Variants in CACNA1C observed in about 807,000 individuals in gnomAD.
The protein encoded by CACNA1C is voltage-dependent L-type calcium channel subunit alpha-1C.
CACNA1C carries 30 observed loss-of-function variants against 229.0 expected under a neutral mutation model. The observed-to-expected ratio is 0.13, with a 90% CI of 0.10 to 0.18. CACNA1C has a LOEUF of 0.18. CACNA1C is among the 10% of genes least tolerant of loss of function. The pLI, the probability that CACNA1C is intolerant of heterozygous loss-of-function variation, is 1.00. For synonymous variants in CACNA1C, 1,114 were observed against 1,132.5 expected, an observed-to-expected ratio of 0.98 and a Z score of 0.33; for missense variants, 1,658 against 2,845.0, an observed-to-expected ratio of 0.58 and a Z score of 9.49.
intron 37 of CACNA1C, among the ~76,000 whole-genome samples, chr12:2,667,332 T>TCTCCC (rs1569149779): frequency 6.6e-6 from 1 of 152,146 alleles, no homozygotes; most frequent in African/African-American, 2.4e-5. Context: ...GTGCTCCTTG[T>TCTCCC]TGGGGCAATA....
intron 3 of CACNA1C, among the ~76,000 whole-genome samples, chr12:2,144,421 G>T (rs1021851874): frequency 6.6e-6 from 1 of 151,160 alleles, no homozygotes; most frequent in African/African-American, 2.4e-5. Flanking sequence ...TCATTCTTAG[G>T]GTGGTCTGTT....
intron 1 of CACNA1C, among the ~76,000 whole-genome samples, chr12:2,100,370 G>A (rs1224681944): frequency 6.7e-6 from 1 of 148,450 alleles, no homozygotes; most frequent in Non-Finnish European, 1.5e-5. Flanking sequence ...CTTGAAGGAG[G>A]TTCAAGGAAT....
At chr12:2,356,813 T>A (rs2097377138) in intron 3 of CACNA1C, among the ~76,000 whole-genome samples, 1 of 152,134 alleles carries the variant, frequency 6.6e-6, no homozygotes, top group Non-Finnish European at 1.5e-5. Flanking sequence ...TATGCATTGC[T>A]CCCCTCCCCT....
chr12:2,496,263 C>T (rs1373175643), intron 7 of CACNA1C, among the ~76,000 whole-genome samples: 2 of 152,166 alleles, frequency 1.3e-5, no homozygotes, highest in African/African-American at 4.8e-5. Flanking sequence ...GCTTTGAACC[C>T]TTCTAAGGAG....
chr12:2,500,534 C>G (rs188504475), intron 7 of CACNA1C, among the ~76,000 whole-genome samples: 2 of 152,154 alleles, frequency 1.3e-5, no homozygotes, highest in East Asian at 3.9e-4. Context: ...AACTCCCACT[C>G]GCCATCTGCC....
At chr12:2,295,223 G>A (rs1224880561) in intron 3 of CACNA1C, among the ~76,000 whole-genome samples, 5 of 152,062 alleles carry the variant, frequency 3.3e-5, no homozygotes, top group Admixed American at 6.5e-5. Context: ...TCCACTCCTC[G>A]TTATCCTTCA....
At chr12:2,494,897 T>C (rs1015395893) in intron 7 of CACNA1C, among the ~76,000 whole-genome samples, 3 of 152,188 alleles carry the variant, frequency 2.0e-5, no homozygotes, top group African/African-American at 4.8e-5. Context: ...TTCCTGAGTG[T>C]CCTTGCCTGC....
At chr12:2,045,066 A>G (rs755111426) in intron 1 of CACNA1C, among the ~76,000 whole-genome samples, 26 of 152,214 alleles carry the variant, frequency 1.7e-4, no homozygotes, top group Non-Finnish European at 3.1e-4. Flanking sequence ...TGAAATATGG[A>G]AGGAAAGGTG....
At chr12:2,362,210 G>A (rs193251061) in intron 3 of CACNA1C, among the ~76,000 whole-genome samples, 1 of 152,298 alleles carries the variant, frequency 6.6e-6, no homozygotes, top group East Asian at 1.9e-4. Context: ...CTCTGAGGGG[G>A]CGTGAAGGCC....
intron 1 of CACNA1C, among the ~76,000 whole-genome samples, chr12:2,076,624 G>C (rs1043465993): frequency 2.0e-5 from 3 of 152,042 alleles, no homozygotes; most frequent in Admixed American, 2.0e-4. Flanking sequence ...AGGCAACAGA[G>C]ATGGTATCTC....
chr12:2,480,514 G>A (rs2099671518), intron 5 of CACNA1C, among the ~76,000 whole-genome samples: 1 of 152,208 alleles, frequency 6.6e-6, no homozygotes, highest in Non-Finnish European at 1.5e-5. Flanking sequence ...AGGGCTTGTA[G>A]TCACCACCGT....
chr12:2,596,698 GTCC>G (rs1455325135), intron 20 of CACNA1C, among the ~76,000 whole-genome samples: 2 of 152,036 alleles, frequency 1.3e-5, no homozygotes, highest in Non-Finnish European at 2.9e-5. Context: ...CCTGGAGCCG[GTCC>G]TCAGCCTGTG....
chr12:2,364,420 A>G (rs2097666347), intron 3 of CACNA1C, among the ~76,000 whole-genome samples: 1 of 152,178 alleles, frequency 6.6e-6, no homozygotes, highest in Non-Finnish European at 1.5e-5. Context: ...TGAAATCCAC[A>G]CTGTTGTAGA....
At chr12:2,260,552 C>T (rs557447412) in intron 3 of CACNA1C, among the ~76,000 whole-genome samples, 4 of 151,480 alleles carry the variant, frequency 2.6e-5, no homozygotes, top group African/African-American at 9.7e-5. Context: ...AGGAGAGGAG[C>T]ACAGATTGCT....
intron 4 of CACNA1C, among the ~76,000 whole-genome samples, chr12:2,454,365 A>T (rs1406180858): frequency 2.0e-5 from 3 of 150,844 alleles, no homozygotes; most frequent in Non-Finnish European, 4.4e-5. Flanking sequence ...CTAACATCCT[A>T]CCCTCTAACC....
chr12:2,641,695 A>G, intron 30 of CACNA1C: 1 of 702,286 alleles, frequency 1.4e-6, no homozygotes, highest in East Asian at 2.7e-5. Flanking sequence ...CCCTTCTAAT[A>G]GATCATTGTA....
intron 3 of CACNA1C, among the ~76,000 whole-genome samples, chr12:2,216,350 C>A (rs2059970448): frequency 6.6e-6 from 1 of 152,194 alleles, no homozygotes; most frequent in Non-Finnish European, 1.5e-5. Context: ...TAACTGCTTA[C>A]TCATATCAAC....
At chr12:2,351,452 G>A (rs2097199798) in intron 3 of CACNA1C, among the ~76,000 whole-genome samples, 2 of 152,172 alleles carry the variant, frequency 1.3e-5, no homozygotes, top group South Asian at 2.1e-4. Context: ...CGGTCCCCAA[G>A]GCCACTTCCT....
chr12:2,656,340 A>G (rs1255633926), intron 34 of CACNA1C, among the ~76,000 whole-genome samples: 1 of 152,256 alleles, frequency 6.6e-6, no homozygotes, highest in Non-Finnish European at 1.5e-5. Flanking sequence ...CCCTTTTACA[A>G]TAGCATCAAA....
Sources: allele counts gnomAD v4.1 joint callset (sites outside exome capture counted in the v4.1 genomes callset), GRCh38; gene constraint gnomAD v4.1.1; transcripts MANE v1.5; gene names NCBI Gene and HGNC (gene_info 2026-07-23, HGNC 2026-07-21).